Variants in NSG1 observed in about 807,000 individuals in gnomAD.
NSG1 encodes the protein neuronal vesicle trafficking associated 1, also known as neuronal vesicle trafficking-associated protein 1.
A neutral mutation model predicts 19.3 loss-of-function variants in NSG1; 9 were observed. The observed-to-expected ratio is 0.47, with a 90% CI of 0.28 to 0.81. NSG1 has a LOEUF of 0.81. Among genes scored for constraint, NSG1 ranks in the 40% least tolerant of loss-of-function variants. The pLI, the probability that NSG1 is intolerant of heterozygous loss-of-function variation, is 0.11. For synonymous variants in NSG1, 104 were observed against 107.0 expected, an observed-to-expected ratio of 0.97 and a Z score of 0.17; for missense variants, 236 against 242.4, an observed-to-expected ratio of 0.97 and a Z score of 0.18.
intron 3 of NSG1, among the ~76,000 whole-genome samples, chr4:4,403,737 C>G (rs1024753388): frequency 1.3e-5 from 2 of 152,222 alleles, no homozygotes; most frequent in African/African-American, 4.8e-5. Flanking sequence ...TCAGTTTCCC[C>G]ATTTGTAAAA....
Position 4,417,504 on chromosome 4 carries a change from A to G in NSG1, c.*69A>G. On this transcript the variant is annotated 3_prime_UTR_variant, in exon 5 of 5. Transcript: ENST00000621129. ...AAGGGACTTTGAGGGACATTTCATT[A>G]AATATAATTACTGATACTTTAGAGG... 1 of 1,393,994 alleles carries G rather than the reference A, an allele frequency of 7.2e-7. No individual in the cohort carries two copies. Among genetic ancestry groups the G allele is most frequent in the Non-Finnish European group, 1.0e-6 (1 of 985,754 alleles). 86.4% of individuals were successfully genotyped at this position (1,393,994 alleles called of 1,614,324 possible).
chr4:4,392,145 G>A (rs1189467937), intron 3 of NSG1, among the ~76,000 whole-genome samples: 4 of 151,808 alleles, frequency 2.6e-5, no homozygotes, highest in Non-Finnish European at 5.9e-5. Flanking sequence ...TTGGGCCTGT[G>A]TGTATCCTCC....
rs777962457 is a variant in NSG1, at chr4:4,409,655, G to A, written c.329G>A (p.Arg110His). ...GTCTACAAGGTGTACAAGTATGACCGCGCCTGCCCCGATGGGTTCGTCCTC... is the reference window on the plus strand; with the variant it reads ...GTCTACAAGGTGTACAAGTATGACCACGCCTGCCCCGATGGGTTCGTCCTC... ...LVVYKVYKYD[R>H]ACPDGFVLKN... Residue 110 changes from arginine (R) to histidine (H), a missense_variant, in exon 4 of 5, where the codon CGC becomes CAC. Physicochemically the swap from Arg to His is conservative, Grantham distance 29. Transcript: ENST00000621129. The A allele has an allele frequency of 1.5e-5, 25 of 1,614,102 alleles. No homozygotes were observed. Among genetic ancestry groups the A allele is most frequent in the Admixed American group, 5.0e-5 (3 of 60,026 alleles).
At position 4,399,455 on chromosome 4, in the gene NSG1, TTGAGTTG is replaced by T. The variant is rs546092692; in HGVS notation, c.246+7866_246+7872del. On this transcript the variant is annotated intron_variant, in intron 3 of 4. Transcript: ENST00000621129. ...ACCTCACCCAGCCGTGTTTTTGTTG[TTGAGTTG>T]TAAGAGTTCCTTATATATTTTGGAT... Among the ~76,000 whole-genome samples, 309 of 145,336 alleles carry T rather than the reference TTGAGTTG, an allele frequency of 2.1e-3. 4 individuals are homozygous for T. The highest frequency in any genetic ancestry group is 0.01 in the Admixed American group (150 of 14,492).
At position 4,402,189 on chromosome 4, in the gene NSG1, G is replaced by A. The variant is rs964499844; in HGVS notation, c.247-7384G>A. On this transcript the variant is annotated intron_variant, in intron 3 of 4. Coordinates refer to ENST00000621129, the MANE Select transcript of NSG1 (RefSeq NM_014392.5). ...CAGCATGAGCCACAGCACCCAGCCT[G>A]GTTTCTTATTTTTTCCTTTGATTTT... Among the ~76,000 whole-genome samples, 8 of 145,816 alleles carry A rather than the reference G, an allele frequency of 5.5e-5. No individual in the cohort carries two copies. In the Admixed American group the frequency reaches 5.8e-4, roughly 11 times the overall value.
chr4:4,402,000 C>T (rs1258492870), intron 3 of NSG1, among the ~76,000 whole-genome samples: 1 of 151,494 alleles, frequency 6.6e-6, no homozygotes. Context: ...CCCAAATCAG[C>T]CTCCTGAGCA....
chr4:4,416,953 C>G (rs1724577548), intron 4 of NSG1, among the ~76,000 whole-genome samples: 1 of 152,194 alleles, frequency 6.6e-6, no homozygotes, highest in African/African-American at 2.4e-5. Flanking sequence ...AGTGCAAGAT[C>G]TTCAGTGAAG....
rs1361048560 is a variant in NSG1, at chr4:4,409,596, C to T, written c.270C>T (p.Ala90=). 24 of 1,614,152 alleles carry T rather than the reference C, an allele frequency of 1.5e-5. No homozygotes were observed. The Middle Eastern group carries it at 4.9e-4, about 33-fold the overall frequency. ...AGGTCTCCGTGTTGGTCCTCTTCGC[C>T]CTGGCCTTCCTCACCTGCGTCGTCT... ...RFKVSVLVLF[A]LAFLTCVVFL... The change falls in exon 4 of 5, where the codon GCC becomes GCT. Residue 90 remains alanine (A), a synonymous_variant. Transcript: ENST00000621129.
At chr4:4,398,412 G>A (rs1723380050) in intron 3 of NSG1, among the ~76,000 whole-genome samples, 2 of 151,874 alleles carry the variant, frequency 1.3e-5, no homozygotes, top group Non-Finnish European at 2.9e-5. Flanking sequence ...ACCCCAAAAG[G>A]AGACCCCATT....
At position 4,387,740 on chromosome 4, in the gene NSG1, G is replaced by A. The variant is rs1384425101; in HGVS notation, c.111G>A (p.Gln37=). Residue 37 remains glutamine, a synonymous_variant, in exon 2 of 5, where the codon CAG becomes CAA. Coordinates refer to ENST00000621129, the MANE Select transcript of NSG1 (RefSeq NM_014392.5). ...LMTPLDVNQL[Q]FPPPDKVVVK... is the part of the protein sequence containing the mutation. Reference sequence around the variant, plus strand: ...CGCCCCTCGATGTCAATCAGCTGCAGTTCCCGCCCCCGGATAAGGTAAGCC... The same window carrying A: ...CGCCCCTCGATGTCAATCAGCTGCAATTCCCGCCCCCGGATAAGGTAAGCC... The A allele has an allele frequency of 3.7e-6, 6 of 1,612,108 alleles. No homozygotes were observed. Among genetic ancestry groups the A allele is most frequent in the Non-Finnish European group, 5.1e-6 (6 of 1,178,436 alleles).
intron 4 of NSG1, among the ~76,000 whole-genome samples, chr4:4,415,376 C>T (rs1485702152): frequency 6.6e-6 from 1 of 152,154 alleles, no homozygotes; most frequent in African/African-American, 2.4e-5. Context: ...CAAGCTCCTC[C>T]AAGTGCAGGC....
intron 4 of NSG1, 112 bp downstream of exon 4, chr4:4,409,795 T>G (rs545935325): frequency 2.2e-4 from 181 of 833,332 alleles, no homozygotes; most frequent in Non-Finnish European, 3.2e-4. Flanking sequence ...CGGACAGGCC[T>G]TAGAGCAGCA....
At chr4:4,402,450 G>C (rs1431463619) in intron 3 of NSG1, among the ~76,000 whole-genome samples, 14 of 142,200 alleles carry the variant, frequency 9.8e-5, no homozygotes, top group Admixed American at 3.8e-4. Flanking sequence ...TGCAGTGGCG[G>C]GATCTCGGCT....
At chr4:4,389,152 T>C (rs1722878298) in intron 2 of NSG1, among the ~76,000 whole-genome samples, 1 of 152,238 alleles carries the variant, frequency 6.6e-6, no homozygotes, top group African/African-American at 2.4e-5. Context: ...ATCAGGTGAT[T>C]CCCCTCACTT....
intron 3 of NSG1, among the ~76,000 whole-genome samples, chr4:4,396,685 C>G (rs62287945): frequency 2.1e-4 from 26 of 125,144 alleles, no homozygotes; most frequent in East Asian, 2.0e-3. Flanking sequence ...TCCTGCGTGC[C>G]CATCTGTTTC....
At chr4:4,387,890 C>A in intron 2 of NSG1, 132 bp downstream of exon 2, 1 of 755,902 alleles carries the variant, frequency 1.3e-6, no homozygotes, top group Non-Finnish European at 2.2e-6. Flanking sequence ...CCGGAGGGAG[C>A]GCGGCGAGGA....
intron 3 of NSG1, among the ~76,000 whole-genome samples, chr4:4,405,428 A>G (rs749187142): frequency 1.3e-5 from 2 of 152,010 alleles, no homozygotes; most frequent in Non-Finnish European, 2.9e-5. Flanking sequence ...CGTGCTCTCA[A>G]CTTGTGGTCT....
chr4:4,410,282 G>T (rs1325748055), intron 4 of NSG1, among the ~76,000 whole-genome samples: 1 of 152,220 alleles, frequency 6.6e-6, no homozygotes, highest in African/African-American at 2.4e-5. Context: ...ATTCCCAAAA[G>T]CCCACAAGTG....
At chr4:4,412,583 C>T (rs753053586) in intron 4 of NSG1, among the ~76,000 whole-genome samples, 5 of 152,144 alleles carry the variant, frequency 3.3e-5, no homozygotes, top group Non-Finnish European at 5.9e-5. Context: ...AAAGGAGAGG[C>T]GTGAGCTCAT....
Sources: allele counts gnomAD v4.1 joint callset (sites outside exome capture counted in the v4.1 genomes callset), GRCh38; gene constraint gnomAD v4.1.1; transcripts MANE v1.5; gene names NCBI Gene and HGNC (gene_info 2026-07-23, HGNC 2026-07-21).